ODAD2: variants seen among roughly 807,000 people sequenced by gnomAD.
ODAD2 encodes the protein outer dynein arm-docking complex subunit 2.
Under a neutral mutation model 106.8 loss-of-function variants are expected in ODAD2, and 89 were observed. That is an observed-to-expected ratio of 0.83 (90% CI 0.70 to 0.99). The LOEUF (loss-of-function observed/expected upper bound fraction) is 0.99. Ranked by LOEUF, ODAD2 falls within the 50% of genes least tolerant of loss-of-function variation. ODAD2 has a pLI of 0.00. For missense variants in ODAD2, 1,168 were observed against 1,238.5 expected, an observed-to-expected ratio of 0.94 and a Z score of 0.85; for synonymous variants, 404 against 436.2, an observed-to-expected ratio of 0.93 and a Z score of 0.92.
intron 18 of ODAD2, among the ~76,000 whole-genome samples, chr10:27,862,093 A>C (rs1840087298): frequency 6.6e-6 from 1 of 152,228 alleles, no homozygotes; most frequent in African/African-American, 2.4e-5. Context: ...TAACGTTGGC[A>C]TGAAGAACCA....
At chr10:27,817,653 C>G (rs886512661) in intron 19 of ODAD2, among the ~76,000 whole-genome samples, 2 of 152,122 alleles carry the variant, frequency 1.3e-5, no homozygotes, top group African/African-American at 4.8e-5. Flanking sequence ...TATGTTGCTG[C>G]AAAAGACATG....
chr10:27,823,936 C>T (rs1589754846), intron 19 of ODAD2, among the ~76,000 whole-genome samples: 3 of 116,638 alleles, frequency 2.6e-5, no homozygotes, highest in Admixed American at 9.1e-5. Context: ...GTCAGGAGAT[C>T]GAGACCATCC....
chr10:27,970,392 T>C (rs1014442437), intron 8 of ODAD2, among the ~76,000 whole-genome samples: 6 of 152,180 alleles, frequency 3.9e-5, no homozygotes, highest in Non-Finnish European at 8.8e-5. Flanking sequence ...ATAATTTTCA[T>C]CATTCCACAT....
At chr10:27,835,235 C>T (rs1837778419) in intron 19 of ODAD2, among the ~76,000 whole-genome samples, 1 of 152,200 alleles carries the variant, frequency 6.6e-6, no homozygotes, top group African/African-American at 2.4e-5. Flanking sequence ...AAGCCAGCAC[C>T]TCCAATTCTG....
intron 17 of ODAD2, among the ~76,000 whole-genome samples, chr10:27,894,869 AT>A (rs768754330): frequency 2.3e-4 from 35 of 152,154 alleles, no homozygotes; most frequent in Admixed American, 1.3e-3. Context: ...CCGGCTTCAA[AT>A]GAAATTTTTG....
chr10:27,982,370 G>C lies in ODAD2; in HGVS notation c.820-788C>G, dbSNP rs553623648. 5.3e-3 allele frequency among the ~76,000 whole-genome samples: 806 copies of C among 152,146 alleles called. 4 individuals are homozygous for C. The highest frequency in any genetic ancestry group is 7.4e-3 in the Non-Finnish European group (506 of 68,000). On this transcript the variant is annotated intron_variant, in intron 6 of 19. Coordinates refer to ENST00000305242, the MANE Select transcript of ODAD2 (RefSeq NM_018076.5). ...TAAAGGGATACTTAGATATCTCCAT[G>C]CTAAATAAGTTATATGTATGTAGAT...
chr10:27,847,390 C>T (rs1166014648), intron 19 of ODAD2, among the ~76,000 whole-genome samples: 1 of 152,198 alleles, frequency 6.6e-6, no homozygotes, highest in Non-Finnish European at 1.5e-5. Context: ...ATGCTAAAAA[C>T]TCTCAATAAA....
intron 1 of ODAD2, among the ~76,000 whole-genome samples, chr10:27,997,002 C>A (rs1277094578): frequency 6.6e-6 from 1 of 152,132 alleles, no homozygotes; most frequent in Non-Finnish European, 1.5e-5. Context: ...AGATTATAAT[C>A]TATGATATTG....
Position 27,890,763 on chromosome 10 carries a change from T to C in ODAD2, c.2610+16900A>G, listed in dbSNP as rs377677413. 3.2e-5 allele frequency among the ~76,000 whole-genome samples: 3 copies of C among 95,012 alleles called. No homozygotes were observed. In the East Asian group the frequency reaches 7.3e-4, roughly 23 times the overall value. The allele number at this position is 95,012 out of a possible 152,430, so 62.3% of individuals were successfully genotyped here. A position where few individuals can be genotyped will look rare whatever the true frequency, so the allele number is the denominator to read the frequency against. Reference sequence around the variant, plus strand: ...TGTCCCCACTTGAAAATCTGGTATATATATATTTAAAAAAAAAAAAAACTT... The same window carrying C: ...TGTCCCCACTTGAAAATCTGGTATACATATATTTAAAAAAAAAAAAAACTT... On this transcript the variant is annotated intron_variant, in intron 17 of 19. Transcript: ENST00000305242.
At position 27,827,379 on chromosome 10, in the gene ODAD2, C is replaced by CTA. The variant is rs10580710; in HGVS notation, c.3022-14756_3022-14755dup. ...AGACACACACATACACACACACACA[C>CTA]TATATATATATATATATATATATAT... On this transcript the variant is annotated intron_variant, in intron 19 of 19. Coordinates refer to ENST00000305242, the MANE Select transcript of ODAD2 (RefSeq NM_018076.5). Among the ~76,000 whole-genome samples the CTA allele has an allele frequency of 5.6e-3, 745 of 132,426 alleles. 3 individuals are homozygous for CTA. Among genetic ancestry groups the CTA allele is most frequent in the African/African-American group, 0.012 (397 of 33,182 alleles). The allele number at this position is 132,426 out of a possible 152,430, so 86.9% of individuals were successfully genotyped here.
chr10:27,823,597 G>C (rs1016081917), intron 19 of ODAD2, among the ~76,000 whole-genome samples: 1 of 152,128 alleles, frequency 6.6e-6, no homozygotes, highest in Admixed American at 6.6e-5. Context: ...CTCATGCTAT[G>C]TGCCCCTAAA....
At chr10:27,953,678 T>G (rs1018247632) in intron 10 of ODAD2, among the ~76,000 whole-genome samples, 11 of 152,216 alleles carry the variant, frequency 7.2e-5, no homozygotes, top group African/African-American at 2.6e-4. Context: ...AAGCAAAATG[T>G]AGAATAAGAA....
At chr10:27,972,721 C>G (rs1454084473) in intron 7 of ODAD2, among the ~76,000 whole-genome samples, 1 of 152,018 alleles carries the variant, frequency 6.6e-6, no homozygotes, top group Non-Finnish European at 1.5e-5. Flanking sequence ...AGCACACAAT[C>G]GTAATTGTAT....
intron 16 of ODAD2, among the ~76,000 whole-genome samples, chr10:27,927,575 C>G (rs891211468): frequency 6.6e-6 from 1 of 152,072 alleles, no homozygotes; most frequent in African/African-American, 2.4e-5. Flanking sequence ...ACGTGGGACG[C>G]CTATGTTCAC....
intron 16 of ODAD2, among the ~76,000 whole-genome samples, chr10:27,911,603 C>T (rs1844019395): frequency 6.6e-6 from 1 of 152,174 alleles, no homozygotes; most frequent in Non-Finnish European, 1.5e-5. Context: ...GAGCTTCTCC[C>T]CGTTATGCAC....
At chr10:27,957,383 G>A (rs1847808487) in intron 10 of ODAD2, 1 of 152,210 alleles carries the variant, frequency 6.6e-6, no homozygotes, top group South Asian at 2.1e-4. Context: ...GAGGTAGGGA[G>A]GCGAGCCTGT....
At chr10:27,944,703 T>C (rs1846746601) in intron 11 of ODAD2, 113 bp downstream of exon 11, 7 of 1,286,222 alleles carry the variant, frequency 5.4e-6, no homozygotes, top group Non-Finnish European at 7.6e-6. Flanking sequence ...TCAGCAATAA[T>C]AGCAGATAAA....
intron 16 of ODAD2, among the ~76,000 whole-genome samples, chr10:27,920,111 C>T (rs1330921522): frequency 1.3e-5 from 2 of 151,872 alleles, no homozygotes; most frequent in Non-Finnish European, 2.9e-5. Context: ...AAAGAGATAT[C>T]CCCAGAGTAG....
At chr10:27,843,585 A>C (rs1838473414) in intron 19 of ODAD2, among the ~76,000 whole-genome samples, 3 of 152,052 alleles carry the variant, frequency 2.0e-5, no homozygotes, top group African/African-American at 7.2e-5. Flanking sequence ...GACCAACATG[A>C]TGAAACACCA....
Sources: gnomAD v4.1 joint callset for allele counts (sites outside exome capture counted in the v4.1 genomes callset) on GRCh38, gnomAD v4.1.1 for gene constraint, MANE v1.5 for transcripts, NCBI Gene and HGNC (gene_info 2026-07-23, HGNC 2026-07-21) for gene names.